The following GALNT13 variants were observed in gnomAD, a reference collection of about 807,000 sequenced individuals.
GALNT13 encodes the protein UDP-GalNAc:polypeptide N-acetylgalactosaminyltransferase 13.
Under a neutral mutation model 64.2 loss-of-function variants are expected in GALNT13, and 28 were observed. The ratio of observed to expected loss-of-function variants is 0.44; its 90% CI spans 0.32 to 0.60. The LOEUF (loss-of-function observed/expected upper bound fraction) is 0.60. GALNT13 is among the 20% of genes least tolerant of loss of function. GALNT13 has a pLI of 0.05. For missense variants in GALNT13, 577 were observed against 669.8 expected, an observed-to-expected ratio of 0.86 and a Z score of 1.53; for synonymous variants, 214 against 224.6, an observed-to-expected ratio of 0.95 and a Z score of 0.42.
intron 11 of GALNT13, among the ~76,000 whole-genome samples, chr2:154,426,503 T>G (rs1232468237): frequency 6.6e-6 from 1 of 152,174 alleles, no homozygotes; most frequent in Non-Finnish European, 1.5e-5. Context: ...AAATTGTACA[T>G]CAGTCACATA....
intron 3 of GALNT13, among the ~76,000 whole-genome samples, chr2:154,117,358 T>C (rs1681640370): frequency 1.3e-5 from 2 of 152,234 alleles, no homozygotes; most frequent in African/African-American, 2.4e-5. Context: ...GAGATTTTGG[T>C]GCACCCATCT....
chr2:153,961,596 A>G (rs11893575), intron 3 of GALNT13, among the ~76,000 whole-genome samples: 4 of 152,194 alleles, frequency 2.6e-5, no homozygotes, highest in African/African-American at 9.6e-5. Flanking sequence ...AATTAGAATT[A>G]CAATGAAAAA....
chr2:153,745,339 C>T, the GALNT13 span, among the ~76,000 whole-genome samples: 1 of 152,120 alleles, frequency 6.6e-6, no homozygotes, highest in South Asian at 2.1e-4. Context: ...ACTTACGAAA[C>T]TACTTAATTC....
the GALNT13 span, among the ~76,000 whole-genome samples, chr2:153,140,144 A>G: frequency 6.6e-6 from 1 of 152,068 alleles, no homozygotes; most frequent in African/African-American, 2.4e-5. Context: ...AATACAACCA[A>G]AAACTATTTA....
At chr2:153,483,575 C>G in the GALNT13 span, among the ~76,000 whole-genome samples, 2 of 151,832 alleles carry the variant, frequency 1.3e-5, no homozygotes, top group Non-Finnish European at 2.9e-5. Context: ...AGGCACCATG[C>G]CCAGCTAATT....
At chr2:153,088,051 TA>T in the GALNT13 span, among the ~76,000 whole-genome samples, 1 of 152,108 alleles carries the variant, frequency 6.6e-6, no homozygotes, top group East Asian at 1.9e-4. Flanking sequence ...TTTTGAGGTG[TA>T]ACCTTAGACT....
At chr2:153,694,256 C>T in the GALNT13 span, among the ~76,000 whole-genome samples, 4 of 152,150 alleles carry the variant, frequency 2.6e-5, no homozygotes, top group Non-Finnish European at 5.9e-5. Context: ...ATTTTTCTTT[C>T]ACAAGGTACA....
chr2:153,458,395 GT>G, the GALNT13 span, among the ~76,000 whole-genome samples: 1 of 152,080 alleles, frequency 6.6e-6, no homozygotes, highest in Admixed American at 6.6e-5. Context: ...AACAATCCAA[GT>G]TCCCCCTGCC....
the GALNT13 span, among the ~76,000 whole-genome samples, chr2:153,369,158 T>C: frequency 1.3e-5 from 2 of 152,096 alleles, no homozygotes; most frequent in Non-Finnish European, 1.5e-5. Flanking sequence ...AATGTGTTTG[T>C]ACCTAATAGC....
At chr2:153,727,200 C>T in the GALNT13 span, among the ~76,000 whole-genome samples, 68 of 152,248 alleles carry the variant, frequency 4.5e-4, no homozygotes, top group African/African-American at 1.5e-3. Context: ...TGATTTCTCA[C>T]ATAATATATT....
chr2:153,154,147 C>T, the GALNT13 span, among the ~76,000 whole-genome samples: 1 of 152,020 alleles, frequency 6.6e-6, no homozygotes, highest in Admixed American at 6.6e-5. Context: ...TCACCCAAAT[C>T]TCATTTGAAT....
At chr2:153,635,981 T>C in the GALNT13 span, among the ~76,000 whole-genome samples, 1 of 152,150 alleles carries the variant, frequency 6.6e-6, no homozygotes, top group East Asian at 1.9e-4. Context: ...ACTTGAAGGA[T>C]GTATGTGTGT....
At chr2:154,361,085 C>A (rs887799543) in intron 9 of GALNT13, among the ~76,000 whole-genome samples, 3 of 152,060 alleles carry the variant, frequency 2.0e-5, no homozygotes, top group East Asian at 1.9e-4. Context: ...GCATAAATAG[C>A]CTAATTTCTC....
intron 9 of GALNT13, among the ~76,000 whole-genome samples, chr2:154,358,627 A>T (rs1559111433): frequency 6.6e-6 from 1 of 151,688 alleles, no homozygotes; most frequent in Admixed American, 6.6e-5. Flanking sequence ...TGCTTTTTTG[A>T]TTTTTTTTCT....
At chr2:153,339,653 A>G in the GALNT13 span, among the ~76,000 whole-genome samples, 1 of 152,120 alleles carries the variant, frequency 6.6e-6, no homozygotes, top group African/African-American at 2.4e-5. Flanking sequence ...TTAGTTGCCT[A>G]TGCTTTTGAG....
At chr2:153,371,908 T>A in the GALNT13 span, among the ~76,000 whole-genome samples, 1 of 152,198 alleles carries the variant, frequency 6.6e-6, no homozygotes, top group African/African-American at 2.4e-5. Flanking sequence ...TTGATGAGGC[T>A]TGTGCATTAG....
intron 3 of GALNT13, among the ~76,000 whole-genome samples, chr2:154,029,668 A>G (rs983993895): frequency 6.6e-6 from 1 of 152,206 alleles, no homozygotes; most frequent in African/African-American, 2.4e-5. Flanking sequence ...CAAGACGTGT[A>G]CAATGGCAAG....
At chr2:153,605,055 G>A in the GALNT13 span, among the ~76,000 whole-genome samples, 1 of 151,976 alleles carries the variant, frequency 6.6e-6, no homozygotes, top group Non-Finnish European at 1.5e-5. Context: ...TATCCAGTTC[G>A]ATTTCCAGTT....
At chr2:153,872,362 TCTGGG>T (rs1205010205) in intron 1 of GALNT13, 59 bp downstream of exon 1, 2 of 152,026 alleles carry the variant, frequency 1.3e-5, no homozygotes, top group Non-Finnish European at 2.9e-5. Flanking sequence ...ACGAGCTCCC[TCTGGG>T]CTGCCAGAGT....
Sources: allele counts gnomAD v4.1 joint callset (sites outside exome capture counted in the v4.1 genomes callset), GRCh38; gene constraint gnomAD v4.1.1; transcripts MANE v1.5; gene names NCBI Gene and HGNC (gene_info 2026-07-23, HGNC 2026-07-21).